Variants in TSGA10 observed in about 807,000 individuals in gnomAD.
The protein encoded by TSGA10 is testis-specific gene 10 protein.
TSGA10 carries 43 observed loss-of-function variants against 96.6 expected under a neutral mutation model. The observed-to-expected ratio is 0.44, with a 90% CI of 0.35 to 0.57. TSGA10 has a LOEUF of 0.57. Ranked by LOEUF, TSGA10 falls within the 20% of genes least tolerant of loss-of-function variation. The pLI, the probability that TSGA10 is intolerant of heterozygous loss-of-function variation, is 0.01. For missense variants in TSGA10, 703 were observed against 834.4 expected (o/e 0.84, Z 1.94); for synonymous variants, 229 against 269.9 (o/e 0.85, Z 1.48).
intron 17 of TSGA10, among the ~76,000 whole-genome samples, chr2:99,029,722 T>C (rs546451301): frequency 9.5e-4 from 145 of 152,216 alleles, no homozygotes; most frequent in Non-Finnish European, 1.9e-3. Flanking sequence ...CTCTTAGAAA[T>C]ATGGGAATAG....
intron 6 of TSGA10, 101 bp from the exon 7 acceptor site, chr2:99,109,092 T>A: frequency 1.1e-6 from 1 of 927,086 alleles, no homozygotes; most frequent in Non-Finnish European, 1.6e-6. Context: ...AAAATAAGAC[T>A]ATATAATGAA....
Position 99,137,995 on chromosome 2 carries a change from T to C in TSGA10, c.-620-10819A>G, listed in dbSNP as rs367847148. Among the ~76,000 whole-genome samples, 17 of 151,838 alleles carry C rather than the reference T, an allele frequency of 1.1e-4. No homozygotes were observed. The South Asian group carries it at 2.5e-3, about 22-fold the overall frequency. On this transcript the variant is annotated intron_variant, in intron 1 of 20. Coordinates refer to ENST00000393483, the MANE Select transcript of TSGA10 (RefSeq NM_025244.4). ...ATGAGGACAGAGTCTGAAGGTACCA[T>C]CTATGAACCAAAAAACCTCAGACAT...
At chr2:98,999,919 T>A (rs867176919) in intron 20 of TSGA10, among the ~76,000 whole-genome samples, 39 of 152,310 alleles carry the variant, frequency 2.6e-4, no homozygotes, top group Middle Eastern at 3.4e-3. Context: ...TGGCTAATTT[T>A]TTTTGTGTGT....
Position 99,108,929 on chromosome 2 carries a change from G to C in TSGA10, c.114C>G (p.Cys38Trp). 6.2e-7 allele frequency: 1 copy of C among 1,607,878 alleles called. No individual in the cohort carries two copies. The highest frequency in any genetic ancestry group is 8.5e-7 in the Non-Finnish European group (1 of 1,178,020). The change falls in exon 7 of 21, where the codon TGC becomes TGG. Residue 38 changes from cysteine (C) to tryptophan (W), a missense_variant. Cys to Trp is a radical substitution (Grantham distance 215). This residue lies in a region of TSGA10 where 585 missense variants were observed against 656.8 expected (regional missense o/e 0.89). Transcript: ENST00000393483. ...AATGGCGCTCATATTTTTCCAGCAT[G>C]CATTTAAGTTCTTCACGATCTCTTG... ...TTTRDREELKCMLEKYERHLA... is the reference protein window; with the variant it reads ...TTTRDREELKWMLEKYERHLA...
At chr2:99,067,001 G>A (rs1190098437) in intron 15 of TSGA10, among the ~76,000 whole-genome samples, 1 of 152,108 alleles carries the variant, frequency 6.6e-6, no homozygotes, top group Non-Finnish European at 1.5e-5. Flanking sequence ...TTCCTAAAAG[G>A]CAATCCTTAA....
At chr2:99,153,605 A>C (rs1437341799) in intron 1 of TSGA10, among the ~76,000 whole-genome samples, 2 of 152,198 alleles carry the variant, frequency 1.3e-5, no homozygotes, top group Admixed American at 1.3e-4. Context: ...ATTTCAGAGA[A>C]AGGGAATTTA....
At chr2:99,143,624 C>G (rs1428831855) in intron 1 of TSGA10, among the ~76,000 whole-genome samples, 1 of 151,960 alleles carries the variant, frequency 6.6e-6, no homozygotes, top group African/African-American at 2.4e-5. Flanking sequence ...GTATGTGCCA[C>G]CATGCCCAGC....
intron 4 of TSGA10, among the ~76,000 whole-genome samples, chr2:99,112,260 C>G (rs966744592): frequency 6.6e-6 from 1 of 151,914 alleles, no homozygotes; most frequent in African/African-American, 2.4e-5. Flanking sequence ...AGTATATATT[C>G]TAGCCAAAAA....
At chr2:99,147,452 G>C (rs1353324230) in intron 1 of TSGA10, 3 of 1,613,628 alleles carry the variant, frequency 1.9e-6, no homozygotes, top group Non-Finnish European at 2.5e-6. Context: ...GCCCCCAATA[G>C]ACTTGTTCAC....
intron 17 of TSGA10, among the ~76,000 whole-genome samples, chr2:99,033,281 C>A (rs759940472): frequency 1.3e-5 from 2 of 152,176 alleles, no homozygotes; most frequent in Admixed American, 6.5e-5. Context: ...CATGTCTGTT[C>A]GCATAGCTCT....
chr2:99,105,073 T>C (rs1034658629), intron 9 of TSGA10, among the ~76,000 whole-genome samples: 1 of 152,136 alleles, frequency 6.6e-6, no homozygotes, highest in Non-Finnish European at 1.5e-5. Flanking sequence ...TTTAACAAAA[T>C]ATGGAGATGA....
At chr2:99,084,363 T>C (rs1296573974) in intron 10 of TSGA10, among the ~76,000 whole-genome samples, 3 of 152,170 alleles carry the variant, frequency 2.0e-5, no homozygotes, top group African/African-American at 4.8e-5. Flanking sequence ...GGTTTAACAC[T>C]ATCCCCTTGG....
chr2:99,146,060 A>T (rs2093628608), intron 1 of TSGA10, among the ~76,000 whole-genome samples: 1 of 152,224 alleles, frequency 6.6e-6, no homozygotes, highest in Admixed American at 6.5e-5. Context: ...AGGAGGGCAG[A>T]TCACTTGAGG....
chr2:99,154,338 G>GA (rs1464616163), intron 1 of TSGA10: 1 of 152,234 alleles, frequency 6.6e-6, no homozygotes, highest in African/African-American at 2.4e-5. Flanking sequence ...TGGAGTCACA[G>GA]AGTTTTCTTG....
intron 10 of TSGA10, among the ~76,000 whole-genome samples, chr2:99,089,641 C>T (rs2089032412): frequency 6.6e-6 from 1 of 152,032 alleles, no homozygotes; most frequent in Non-Finnish European, 1.5e-5. Flanking sequence ...GCTGGCTTTC[C>T]CCCACTTCCC....
At chr2:99,074,375 T>TGTGC (rs1216106717) in intron 12 of TSGA10, among the ~76,000 whole-genome samples, 7 of 151,774 alleles carry the variant, frequency 4.6e-5, no homozygotes, top group South Asian at 2.1e-4. Flanking sequence ...TGTGTGTGTG[T>TGTGC]GCTATCTTCC....
intron 17 of TSGA10, among the ~76,000 whole-genome samples, chr2:99,024,598 A>G (rs1472884882): frequency 6.6e-6 from 1 of 152,176 alleles, no homozygotes; most frequent in African/African-American, 2.4e-5. Context: ...ACCTGCGAAC[A>G]GAGATAGTTT....
At position 99,081,344 on chromosome 2, in the gene TSGA10, G is replaced by A; in HGVS notation, c.665C>T (p.Ala222Val). The A allele has an allele frequency of 6.3e-7, 1 of 1,596,006 alleles. No homozygotes were observed. Among genetic ancestry groups the A allele is most frequent in the Non-Finnish European group, 8.5e-7 (1 of 1,171,460 alleles). The change falls in exon 11 of 21, where the codon GCT (alanine) becomes GTT (valine). Residue 222 changes from alanine (A) to valine (V), a missense_variant. Ala to Val is a moderately conservative substitution (Grantham distance 64). This residue lies in a region of TSGA10 where 585 missense variants were observed against 656.8 expected (regional missense o/e 0.89). Coordinates refer to ENST00000393483, the MANE Select transcript of TSGA10 (RefSeq NM_025244.4). The part of the protein sequence containing the change: ...KDLSDTQRHL[A>V]KKKYELQLTQ... ...AAGCTGTAGCTCATATTTTTTCTTA[G>A]CAAGGTGTCGCTGAGTATCAGAAAG...
chr2:99,130,186 A>C (rs1306619787), intron 1 of TSGA10, among the ~76,000 whole-genome samples: 1 of 152,220 alleles, frequency 6.6e-6, no homozygotes, highest in African/African-American at 2.4e-5. Flanking sequence ...TTCTGATTCT[A>C]GATCCCTGAG....
Sources: gnomAD v4.1 joint callset for allele counts (sites outside exome capture counted in the v4.1 genomes callset) on GRCh38, gnomAD v4.1.1 for gene constraint, gnomAD v4.1.1 regional missense constraint, MANE v1.5 for transcripts, NCBI Gene and HGNC (gene_info 2026-07-23, HGNC 2026-07-21) for gene names.